The following CRLF1 variants were observed in gnomAD, a reference collection of about 807,000 sequenced individuals.
The protein encoded by CRLF1 is cytokine receptor-like factor 1.
In CRLF1, 36 loss-of-function variants were observed where a neutral mutation model predicts 48.9. The observed-to-expected ratio is 0.74, with a 90% CI of 0.56 to 0.97. CRLF1 has a LOEUF of 0.97. CRLF1 is among the 50% of genes least tolerant of loss of function. The pLI is 0.00. For synonymous variants in CRLF1, 256 were observed against 253.4 expected (o/e 1.01, Z -0.10); for missense variants, 534 against 575.1 (o/e 0.93, Z 0.73).
At chr19:18,603,547 C>T (rs953897926) in intron 1 of CRLF1, among the ~76,000 whole-genome samples, 8 of 152,168 alleles carry the variant, frequency 5.3e-5, no homozygotes, top group Non-Finnish European at 1.0e-4. Flanking sequence ...GTTAAAAGGA[C>T]TCCCCAGGCG....
Position 18,593,295 on chromosome 19 carries a change from G to A in CRLF1, c.*271C>T. The A allele has an allele frequency of 1.9e-6, 1 of 526,622 alleles. No individual in the cohort carries two copies. The highest frequency in any genetic ancestry group is 2.5e-5 in the South Asian group (1 of 39,980). The allele number at this position is 526,622 out of a possible 1,614,324, so 32.6% of individuals were successfully genotyped here. A position where few individuals can be genotyped will look rare whatever the true frequency, so the allele number is the denominator to read the frequency against. Reference sequence around the variant, plus strand: ...TTTTGGAGGGGCCCTAGGTAATGGGGAGTAATGACTCCCCTTCTCACCCCC... The same window carrying A: ...TTTTGGAGGGGCCCTAGGTAATGGGAAGTAATGACTCCCCTTCTCACCCCC... On this transcript the variant is annotated 3_prime_UTR_variant, in exon 9 of 9. Transcript: ENST00000392386.
intron 1 of CRLF1, among the ~76,000 whole-genome samples, chr19:18,600,444 C>T (rs1371589154): frequency 1.3e-5 from 2 of 152,056 alleles, no homozygotes; most frequent in Non-Finnish European, 2.9e-5. Flanking sequence ...TCTCGGCTCA[C>T]TGCAAGCTCC....
intron 2 of CRLF1, 62 bp downstream of exon 2, chr19:18,599,503 C>T (rs543285673): frequency 9.0e-5 from 145 of 1,606,316 alleles, no homozygotes; most frequent in Non-Finnish European, 1.2e-4. Context: ...ATTCATGCCT[C>T]ACTCCAGAGG....
Position 18,599,779 on chromosome 19 carries a change from T to A in CRLF1, c.183A>T (p.Ser61=). 6.3e-7 allele frequency: 1 copy of A among 1,588,378 alleles called. No individual in the cohort carries two copies. ...TGGCTCCTGGTGGGTCTCCGTGCAC[T>A]GAGCAGGTGGCCAGCAGGGAGGAGC... ...LIGSSLLATC[S]VHGDPPGATA... Residue 61 remains serine, a synonymous_variant, in exon 2 of 9, where the codon TCA becomes TCT. Transcript: ENST00000392386.
At chr19:18,602,085 TTG>T (rs1326819883) in intron 1 of CRLF1, among the ~76,000 whole-genome samples, 1 of 152,210 alleles carries the variant, frequency 6.6e-6, no homozygotes, top group Non-Finnish European at 1.5e-5. Flanking sequence ...CTGAACCAGG[TTG>T]TGTGTGAGTC....
intron 8 of CRLF1, 33 bp downstream of exon 8, chr19:18,594,032 T>TGGGGGCCG: frequency 2.9e-6 from 2 of 695,808 alleles, no homozygotes; most frequent in Non-Finnish European, 2.2e-6. Context: ...CTCCCCTTGC[T>TGGGGGCCG]CCCTCCCGCC....
In CRLF1 at chr19:18,598,822, G is replaced by A. The variant is rs1056901559; in HGVS notation, c.477C>T (p.Ala159=). 5 of 1,614,012 alleles carry A rather than the reference G, an allele frequency of 3.1e-6. No homozygotes were observed. In the South Asian group the frequency reaches 4.4e-5, roughly 14 times the overall value. Residue 159 remains alanine, a synonymous_variant, in exon 3 of 9, where the codon GCC becomes GCT. Transcript: ENST00000392386. ...TGGTGTGGAGGAAGGTCTCCCCGTG[G>A]GCCCCTGGCGTCCAGCGGCAGGTCA... is the stretch of plus-strand genomic sequence containing the variant. ...KDLTCRWTPG[A]HGETFLHTNY... is the part of the protein sequence containing the mutation.
rs749861042 is a variant in CRLF1, at chr19:18,596,932, T to C, written c.815A>G (p.Tyr272Cys). The change falls in exon 5 of 9, where the codon TAC (tyrosine) becomes TGC (cysteine). Residue 272 changes from tyrosine to cysteine, a missense_variant. Coordinates refer to ENST00000392386, the MANE Select transcript of CRLF1 (RefSeq NM_004750.5). The part of the protein sequence containing the change: ...ALKDFLFQAK[Y>C]QIRYRVEDSV... ...GTCCTCCACTCGGTAGCGGATCTGG[T>C]ATTTGGCTTGAAAGAGGAAATCCTT... 1 of 1,613,946 alleles carries C rather than the reference T, an allele frequency of 6.2e-7. No individual in the cohort carries two copies. Among genetic ancestry groups the C allele is most frequent in the South Asian group, 1.1e-5 (1 of 91,078 alleles).
chr19:18,599,749 G>A lies in CRLF1; in HGVS notation c.213C>T (p.Ala71=), dbSNP rs201940100. 12 of 1,601,364 alleles carry A rather than the reference G, an allele frequency of 7.5e-6. No homozygotes were observed. Among genetic ancestry groups the A allele is most frequent in the Admixed American group, 5.2e-5 (3 of 57,770 alleles). ...SVHGDPPGAT[A]EGLYWTLNGR... is the part of the protein sequence containing the mutation. ...CGTTGAGGGTCCAGTAGAGGCCCTC[G>A]GCGGTGGCTCCTGGTGGGTCTCCGT... Residue 71 remains alanine, a synonymous_variant, in exon 2 of 9, where the codon GCC becomes GCT. Coordinates refer to ENST00000392386, the MANE Select transcript of CRLF1 (RefSeq NM_004750.5).
intron 6 of CRLF1, among the ~76,000 whole-genome samples, chr19:18,595,202 G>A (rs990260165): frequency 2.6e-5 from 4 of 152,196 alleles, no homozygotes; most frequent in Non-Finnish European, 5.9e-5. Context: ...GGCCCCCGCC[G>A]CCCCTGCTGG....
chr19:18,598,207 G>A (rs1976168084), intron 4 of CRLF1, among the ~76,000 whole-genome samples: 1 of 152,196 alleles, frequency 6.6e-6, no homozygotes, highest in African/African-American at 2.4e-5. Flanking sequence ...TGTTCTCTGT[G>A]GAGTGGGGGT....
At chr19:18,597,490 C>T (rs1174306424) in intron 4 of CRLF1, among the ~76,000 whole-genome samples, 1 of 119,896 alleles carries the variant, frequency 8.3e-6, no homozygotes, top group African/African-American at 3.4e-5. Flanking sequence ...AGTGCAGTGG[C>T]GGGATCTCGG....
At chr19:18,604,570 C>T (rs1179392107) in intron 1 of CRLF1, among the ~76,000 whole-genome samples, 3 of 152,326 alleles carry the variant, frequency 2.0e-5, no homozygotes, top group East Asian at 3.9e-4. Context: ...GCAAAGATGA[C>T]AGCCCCTCCC....
chr19:18,599,956 T>C (rs1976198904), intron 1 of CRLF1, 110 bp from the exon 2 acceptor site: 8 of 1,171,060 alleles, frequency 6.8e-6, no homozygotes, highest in Middle Eastern at 5.8e-4. Context: ...CTGTTAATGA[T>C]TGTCCCCCAT....
At chr19:18,599,474 C>T in intron 2 of CRLF1, 91 bp downstream of exon 2, 2 of 1,566,586 alleles carry the variant, frequency 1.3e-6, no homozygotes, top group Non-Finnish European at 1.7e-6. Context: ...CAGCTCATCC[C>T]CAGGCCAGAA....
rs975792257 is a variant in CRLF1, at chr19:18,606,469, C to T, written c.115+73G>A. The T allele has an allele frequency of 1.9e-6, 2 of 1,063,908 alleles. No homozygotes were observed. Among genetic ancestry groups the T allele is most frequent in the Non-Finnish European group, 2.3e-6 (2 of 877,812 alleles). 65.9% of individuals were successfully genotyped at this position (1,063,908 alleles called of 1,614,324 possible). ...GTCCAGGTGGCGCCCGCGCCCCCTC[C>T]CCCCGCGGCTGCCCCCGGGGCGCCC... On this transcript the variant is annotated intron_variant, in intron 1 of 8. Coordinates refer to ENST00000392386, the MANE Select transcript of CRLF1 (RefSeq NM_004750.5). This position sits in a 1 kb window ranked among gnomAD's most constrained non-coding sequence, Gnocchi z 4.8.
intron 1 of CRLF1, among the ~76,000 whole-genome samples, chr19:18,605,899 C>A (rs948898534): frequency 2.6e-5 from 4 of 152,118 alleles, no homozygotes; most frequent in African/African-American, 9.6e-5. Context: ...ACAAAGATTC[C>A]TCTCGCTGGA....
intron 1 of CRLF1, among the ~76,000 whole-genome samples, chr19:18,603,978 C>T (rs984774359): frequency 7.9e-5 from 12 of 152,188 alleles, no homozygotes; most frequent in Non-Finnish European, 1.8e-4. Flanking sequence ...TTTGCATGAA[C>T]TCGGGTGTGC....
At chr19:18,594,032 T>TGGGGCCC in intron 8 of CRLF1, 33 bp downstream of exon 8, 131 of 695,610 alleles carry the variant, frequency 1.9e-4, no homozygotes, top group Non-Finnish European at 2.4e-4. Flanking sequence ...CTCCCCTTGC[T>TGGGGCCC]CCCTCCCGCC....
Sources: allele counts gnomAD v4.1 joint callset (sites outside exome capture counted in the v4.1 genomes callset), GRCh38; gene constraint gnomAD v4.1.1; non-coding constraint Gnocchi (gnomAD v3.1); transcripts MANE v1.5; gene names NCBI Gene and HGNC (gene_info 2026-07-23, HGNC 2026-07-21).